Variants in FAM110B observed in about 807,000 individuals in gnomAD.
FAM110B encodes the protein protein FAM110B.
A neutral mutation model predicts 20.4 loss-of-function variants in FAM110B; 6 were observed. The observed-to-expected ratio is 0.29, with a 90% CI of 0.16 to 0.58. FAM110B has a LOEUF of 0.58. FAM110B is among the 20% of genes least tolerant of loss of function. The probability of loss-of-function intolerance (pLI) is 0.90; values close to 1 mark genes in which losing one functional copy is unlikely to be tolerated. For missense variants in FAM110B, 434 were observed against 498.2 expected (o/e 0.87, Z 1.23); for synonymous variants, 226 against 214.1 (o/e 1.06, Z -0.49).
chr8:58,065,771 G>T (rs984663472), intron 2 of FAM110B, among the ~76,000 whole-genome samples: 2 of 152,128 alleles, frequency 1.3e-5, no homozygotes, highest in African/African-American at 4.8e-5. Context: ...GTATCTGTAA[G>T]TGGGAAGGTA....
At chr8:58,041,002 C>T (rs189110171) in intron 2 of FAM110B, among the ~76,000 whole-genome samples, 3 of 131,970 alleles carry the variant, frequency 2.3e-5, no homozygotes, top group Admixed American at 9.2e-5. Flanking sequence ...AGTGCAGTGG[C>T]GCGATCTTGG....
At chr8:58,114,874 C>T (rs1337649042) in intron 3 of FAM110B, among the ~76,000 whole-genome samples, 2 of 152,118 alleles carry the variant, frequency 1.3e-5, no homozygotes, top group African/African-American at 4.8e-5. Context: ...AGTATTTAAA[C>T]CCAGCAAGTT....
At chr8:57,996,329 C>T (rs1255625668) in intron 1 of FAM110B, among the ~76,000 whole-genome samples, 2 of 152,176 alleles carry the variant, frequency 1.3e-5, no homozygotes, top group Non-Finnish European at 2.9e-5. Flanking sequence ...GCTAATATTA[C>T]TTTTAATTTT....
intron 3 of FAM110B, among the ~76,000 whole-genome samples, chr8:58,115,195 C>A (rs1807171376): frequency 6.7e-6 from 1 of 148,212 alleles, no homozygotes; most frequent in South Asian, 2.3e-4. Context: ...GCTCAATTTT[C>A]CTTTTCTTTA....
At chr8:58,018,039 T>C (rs1325532631) in intron 1 of FAM110B, among the ~76,000 whole-genome samples, 1 of 152,228 alleles carries the variant, frequency 6.6e-6, no homozygotes, top group Non-Finnish European at 1.5e-5. Context: ...ACCAAAAATG[T>C]TATTGTTTTT....
chr8:58,129,762 C>T (rs1173152106), intron 3 of FAM110B, among the ~76,000 whole-genome samples: 2 of 152,214 alleles, frequency 1.3e-5, no homozygotes, highest in Non-Finnish European at 2.9e-5. Flanking sequence ...CCAGTGCCCA[C>T]GGCTGATGAG....
At chr8:58,122,658 A>G (rs1304957106) in intron 3 of FAM110B, among the ~76,000 whole-genome samples, 1 of 152,030 alleles carries the variant, frequency 6.6e-6, no homozygotes, top group African/African-American at 2.4e-5. Flanking sequence ...TTTTTATTTT[A>G]GGGCTGCACT....
At chr8:58,082,761 T>G (rs2150598118) in intron 3 of FAM110B, among the ~76,000 whole-genome samples, 2 of 152,142 alleles carry the variant, frequency 1.3e-5, no homozygotes, top group Middle Eastern at 6.9e-3. Flanking sequence ...GAGGATCATT[T>G]GAGCCCAGGA....
chr8:58,000,310 T>C (rs1563492833), intron 1 of FAM110B, among the ~76,000 whole-genome samples: 1 of 152,182 alleles, frequency 6.6e-6, no homozygotes, highest in Admixed American at 6.5e-5. Flanking sequence ...GGATGATGGA[T>C]GGTAGATTAT....
intron 2 of FAM110B, among the ~76,000 whole-genome samples, chr8:58,041,097 CAT>C (rs1221736578): frequency 6.6e-6 from 1 of 152,070 alleles, no homozygotes. Flanking sequence ...CCCACCACCA[CAT>C]GTGGCTAATT....
chr8:58,079,017 C>G (rs1335610848), intron 3 of FAM110B, among the ~76,000 whole-genome samples: 2 of 150,860 alleles, frequency 1.3e-5, no homozygotes, highest in African/African-American at 5.0e-5. Flanking sequence ...TAAAGCTGGT[C>G]CTCCAGAATG....
At chr8:58,048,861 T>C (rs1293021338) in intron 2 of FAM110B, among the ~76,000 whole-genome samples, 1 of 152,210 alleles carries the variant, frequency 6.6e-6, no homozygotes, top group Non-Finnish European at 1.5e-5. Context: ...GTGGTAGAAT[T>C]TGAAAACAGC....
chr8:57,999,642 G>A (rs1414814927), intron 1 of FAM110B, among the ~76,000 whole-genome samples: 2 of 152,134 alleles, frequency 1.3e-5, no homozygotes, highest in African/African-American at 2.4e-5. Context: ...GATAGAGGAC[G>A]TATTGTGTGC....
At position 58,000,745 on chromosome 8, in the gene FAM110B, C is replaced by T. The variant is rs138244746; in HGVS notation, c.-512+5939C>T. The stretch of plus-strand genomic sequence containing the variant: ...GGGAAATACCAGTGAATCCTGATTA[C>T]GCTTGTGTGTTTTTACCACATAGTT... On this transcript the variant is annotated intron_variant, in intron 1 of 3. Coordinates refer to ENST00000519262, the MANE Select transcript of FAM110B (RefSeq NM_001377989.1). Among the ~76,000 whole-genome samples the T allele has an allele frequency of 7.0e-3, 1,061 of 152,244 alleles. 11 individuals are homozygous for T. The highest frequency in any genetic ancestry group is 0.024 in the African/African-American group (982 of 41,532).
At chr8:58,012,624 C>T (rs745603188) in intron 1 of FAM110B, among the ~76,000 whole-genome samples, 4 of 152,278 alleles carry the variant, frequency 2.6e-5, no homozygotes, top group South Asian at 2.1e-4. Flanking sequence ...TGGTTTGCTC[C>T]GGGCCTGTTG....
At chr8:58,144,353 A>G (rs886220018) in intron 3 of FAM110B, among the ~76,000 whole-genome samples, 1 of 152,182 alleles carries the variant, frequency 6.6e-6, no homozygotes, top group Non-Finnish European at 1.5e-5. Flanking sequence ...ATTTCATTCA[A>G]AATGTGTTCA....
intron 2 of FAM110B, among the ~76,000 whole-genome samples, chr8:58,037,746 T>A (rs1269717392): frequency 6.6e-6 from 1 of 152,220 alleles, no homozygotes. Flanking sequence ...TTTAGTGGCA[T>A]CTCTTTTCAG....
Position 57,997,665 on chromosome 8 carries a change from A to G in FAM110B, c.-512+2859A>G, listed in dbSNP as rs1370563586. Among the ~76,000 whole-genome samples the G allele has an allele frequency of 2.0e-5, 3 of 152,252 alleles. 1 individual carries two copies. Among genetic ancestry groups the G allele is most frequent in the African/African-American group, 7.2e-5 (3 of 41,452 alleles). ...TATGATGCAGTGAGAATTGATATTCAGGATGAAGACTGAAGTGTTGCAAAG... is the reference window on the plus strand; with the variant it reads ...TATGATGCAGTGAGAATTGATATTCGGGATGAAGACTGAAGTGTTGCAAAG... On this transcript the variant is annotated intron_variant, in intron 1 of 3. Transcript: ENST00000519262.
chr8:58,087,649 GA>G (rs1019881040), intron 3 of FAM110B, among the ~76,000 whole-genome samples: 1 of 152,170 alleles, frequency 6.6e-6, no homozygotes, highest in African/African-American at 2.4e-5. Flanking sequence ...CTCCAGCAGT[GA>G]TTTTCAAACC....
Sources: allele counts gnomAD v4.1 joint callset (sites outside exome capture counted in the v4.1 genomes callset), GRCh38; gene constraint gnomAD v4.1.1; transcripts MANE v1.5; gene names NCBI Gene and HGNC (gene_info 2026-07-23, HGNC 2026-07-21).